Variants in MAT2A observed in about 807,000 individuals in gnomAD.
MAT2A encodes methionine adenosyltransferase 2A.
Under a neutral mutation model 43.9 loss-of-function variants are expected in MAT2A, and 3 were observed. That is an observed-to-expected ratio of 0.07 (90% CI 0.03 to 0.18). MAT2A has a LOEUF of 0.18. MAT2A is among the 10% of genes least tolerant of loss of function. The pLI, the probability that MAT2A is intolerant of heterozygous loss-of-function variation, is 1.00. For synonymous variants in MAT2A, 200 were observed against 168.4 expected (o/e 1.19, Z -1.45); for missense variants, 204 against 489.0 (o/e 0.42, Z 5.50).
At position 85,541,170 on chromosome 2, in the gene MAT2A, G is replaced by C; in HGVS notation, c.169+10G>C. 1 of 1,613,726 alleles carries C rather than the reference G, an allele frequency of 6.2e-7. No individual in the cohort carries two copies. The highest frequency in any genetic ancestry group is 8.5e-7 in the Non-Finnish European group (1 of 1,179,692). ...GCCAAAGTAGCTTGTGGTAGGTTCA[G>C]AATGTGCTTATCAACTGGTGGAAAG... On this transcript the variant is annotated intron_variant, in intron 2 of 8. Coordinates refer to ENST00000306434, the MANE Select transcript of MAT2A (RefSeq NM_005911.6).
intron 1 of MAT2A, among the ~76,000 whole-genome samples, chr2:85,540,563 C>T (rs566169229): frequency 6.6e-6 from 1 of 152,320 alleles, no homozygotes; most frequent in Admixed American, 6.5e-5. Context: ...TCCCTCCTAA[C>T]AATAGATGAC....
Position 85,539,202 on chromosome 2 carries a change from A to G in MAT2A, c.-86A>G, listed in dbSNP as rs556333738. The stretch of plus-strand genomic sequence containing the variant: ...GCGCCGCCCGCCTGCTACGAGTAGA[A>G]CGCTGTCCGCAGCTTGCGCATTTCG... On this transcript the variant is annotated 5_prime_UTR_variant, in exon 1 of 9. Transcript: ENST00000306434. 112 of 959,862 alleles carry G rather than the reference A, an allele frequency of 1.2e-4. No individual in the cohort carries two copies. The highest frequency in any genetic ancestry group is 1.5e-4 in the Non-Finnish European group (96 of 622,498). 59.5% of individuals were successfully genotyped at this position (959,862 alleles called of 1,614,324 possible).
rs1166772986 is a variant in MAT2A at position 85,544,149 on chromosome 2, C to CGT, written c.*378_*379dup. The CGT allele has an allele frequency of 1.2e-5, 2 of 163,700 alleles. No homozygotes were observed. The highest frequency in any genetic ancestry group is 6.4e-5 in the Admixed American group (1 of 15,672). 10.1% of individuals were successfully genotyped at this position (163,700 alleles called of 1,614,324 possible). A position where few individuals can be genotyped will look rare whatever the true frequency, so the allele number is the denominator to read the frequency against. The stretch of plus-strand genomic sequence containing the variant: ...GCTGAAAATGTCCTTGTGATGTGCA[C>CGT]GTAAAGTACTTGTAGTTCCACTTAT... On this transcript the variant is annotated 3_prime_UTR_variant, in exon 9 of 9. Transcript: ENST00000306434.
rs752025192 is a variant in MAT2A at position 85,541,355 on chromosome 2, T to C, written c.270T>C (p.Ile90=). The change falls in exon 3 of 9, where the codon ATT becomes ATC. Residue 90 remains isoleucine, a synonymous_variant. Transcript: ENST00000306434. The stretch of plus-strand genomic sequence containing the variant: ...TGGTTCGTGAAGCTGTTAAACACAT[T>C]GGATATGATGATTCTTCCAAAGGTG... ...QKVVREAVKH[I]GYDDSSKGFD... The C allele has an allele frequency of 1.2e-6, 2 of 1,613,396 alleles. No homozygotes were observed. The highest frequency in any genetic ancestry group is 4.5e-5 in the East Asian group (2 of 44,876).
intron 1 of MAT2A, chr2:85,539,804 C>G (rs764123025): frequency 6.3e-6 from 1 of 157,510 alleles, no homozygotes; most frequent in African/African-American, 2.4e-5. Context: ...ATTGCAGCGG[C>G]GACCACGTGT....
At chr2:85,541,032 C>G (rs1691464125) in intron 1 of MAT2A, 51 bp from the exon 2 acceptor site, 1 of 1,308,574 alleles carries the variant, frequency 7.6e-7, no homozygotes, top group Admixed American at 1.8e-5. Context: ...TACATACATA[C>G]ATACTTTGTT....
chr2:85,540,988 G>T, intron 1 of MAT2A, 95 bp from the exon 2 acceptor site: 1 of 785,470 alleles, frequency 1.3e-6, no homozygotes, highest in African/African-American at 1.7e-5. Flanking sequence ...AATCTCCAAA[G>T]ATTTTACAGA....
At chr2:85,539,536 G>A (rs1050221193) in intron 1 of MAT2A, 158 bp downstream of exon 1, 48 of 510,194 alleles carry the variant, frequency 9.4e-5, no homozygotes, top group Non-Finnish European at 1.5e-4. Flanking sequence ...GGCGCCGCCA[G>A]GGCCTGGCGC....
intron 8 of MAT2A, 177 bp downstream of exon 8, chr2:85,543,211 T>A: frequency 1.5e-6 from 1 of 672,408 alleles, no homozygotes; most frequent in Non-Finnish European, 2.4e-6. Flanking sequence ...TTGAGAAATT[T>A]AAAATTACGG....
Position 85,542,186 on chromosome 2 carries a change from C to T in MAT2A, c.581C>T (p.Ala194Val). Residue 194 changes from alanine (A) to valine (V), a missense_variant, in exon 6 of 9, where the codon GCT becomes GTT. Around this residue, in one of 6 missense-constraint regions of MAT2A, gnomAD observed 103 missense variants for 226.4 expected, o/e 0.45. Coordinates refer to ENST00000306434, the MANE Select transcript of MAT2A (RefSeq NM_005911.6). Reference sequence around the variant, plus strand: ...GTGCAGTATATGCAGGATCGAGGTGCTGTGCTTCCCATCAGAGTCCACACA... The same window carrying T: ...GTGCAGTATATGCAGGATCGAGGTGTTGTGCTTCCCATCAGAGTCCACACA... ...VTVQYMQDRG[A>V]VLPIRVHTIV... is the part of the protein sequence containing the mutation. 2 of 1,614,128 alleles carry T rather than the reference C, an allele frequency of 1.2e-6. No homozygotes were observed. Among genetic ancestry groups the T allele is most frequent in the Non-Finnish European group, 1.7e-6 (2 of 1,179,996 alleles).
rs765480131 is a variant in MAT2A, at chr2:85,542,909, T to C, written c.960T>C (p.Tyr320=). 3.0e-5 allele frequency: 48 copies of C among 1,613,120 alleles called. No homozygotes were observed. The highest frequency in any genetic ancestry group is 2.0e-4 in the South Asian group (18 of 91,008). Residue 320 remains tyrosine (Y), a synonymous_variant, in exon 8 of 9, where the codon TAT becomes TAC. Coordinates refer to ENST00000306434, the MANE Select transcript of MAT2A (RefSeq NM_005911.6). ...LCRRVLVQVS[Y]AIGVSHPLSI... ...CATTTGAATCCTTTTAGGTCTCTTA[T>C]GCTATTGGAGTTTCTCATCCATTAT...
In MAT2A at chr2:85,541,981, T is replaced by A; in HGVS notation, c.549+9T>A. On this transcript the variant is annotated intron_variant, in intron 5 of 8. Transcript: ENST00000306434. Reference sequence around the variant, plus strand: ...CTGATTCTAAAACTCAAGTAAGTGATGATCATAAAGCTTGGTTGTCTCATT... The same window carrying A: ...CTGATTCTAAAACTCAAGTAAGTGAAGATCATAAAGCTTGGTTGTCTCATT... 3.7e-6 allele frequency: 6 copies of A among 1,610,592 alleles called. No individual in the cohort carries two copies. Among genetic ancestry groups the A allele is most frequent in the Non-Finnish European group, 5.1e-6 (6 of 1,177,096 alleles).
At position 85,541,696 on chromosome 2, in the gene MAT2A, A is replaced by G; in HGVS notation, c.356A>G (p.Gln119Arg). 6.2e-7 allele frequency: 1 copy of G among 1,614,202 alleles called. No individual in the cohort carries two copies. The highest frequency in any genetic ancestry group is 8.5e-7 in the Non-Finnish European group (1 of 1,180,048). The change falls in exon 4 of 9, where the codon CAA becomes CGA. Residue 119 changes from glutamine to arginine, a missense_variant. Gln to Arg is a conservative substitution (Grantham distance 43, BLOSUM62 1). Transcript: ENST00000306434. ...GAGCAACAGTCACCAGATATTGCTC[A>G]AGGTGTTCATCTTGACAGAAATGAA... ...ALEQQSPDIA[Q>R]GVHLDRNEED... is the part of the protein sequence containing the mutation.
At chr2:85,539,610 G>T in intron 1 of MAT2A, 1 of 405,702 alleles carries the variant, frequency 2.5e-6, no homozygotes. Context: ...CTTTTCATTC[G>T]GTCGCGCGCC....
At chr2:85,543,386 A>G (rs557649953) in intron 8 of MAT2A, 9 of 425,854 alleles carry the variant, frequency 2.1e-5, no homozygotes, top group Admixed American at 2.0e-4. Context: ...GGACCTTGGT[A>G]AGTATTGTGT....
Position 85,541,742 on chromosome 2 carries a change from C to T in MAT2A, c.402C>T (p.Asp134=). ...ATGAAGAAGACATTGGTGCTGGAGA[C>T]CAGGTATCTTGGTGTAGAGGCTGTT... The part of the protein sequence containing the change: ...DRNEEDIGAG[D]QGLMFGYATD... The change falls in exon 4 of 9, where the codon GAC becomes GAT. Residue 134 remains aspartate, a synonymous_variant. Coordinates refer to ENST00000306434, the MANE Select transcript of MAT2A (RefSeq NM_005911.6). 6.2e-7 allele frequency: 1 copy of T among 1,613,924 alleles called. No homozygotes were observed. The highest frequency in any genetic ancestry group is 8.5e-7 in the Non-Finnish European group (1 of 1,179,788).
Position 85,541,317 on chromosome 2 carries a change from G to A in MAT2A, c.232G>A (p.Asp78Asn). The change falls in exon 3 of 9, where the codon GAC (aspartate) becomes AAC (asparagine). Residue 78 changes from aspartate to asparagine, a missense_variant. Asp to Asn is a conservative substitution (Grantham distance 23). Transcript: ENST00000306434. The stretch of plus-strand genomic sequence containing the variant: ...GGAAATTACATCCAGAGCTGCTGTT[G>A]ACTACCAGAAAGTGGTTCGTGAAGC... ...AGEITSRAAV[D>N]YQKVVREAVK... 1 of 1,614,082 alleles carries A rather than the reference G, an allele frequency of 6.2e-7. No homozygotes were observed. Among genetic ancestry groups the A allele is most frequent in the Non-Finnish European group, 8.5e-7 (1 of 1,179,998 alleles).
Position 85,542,672 on chromosome 2 carries a change from T to G in MAT2A, c.876T>G (p.Arg292=). Residue 292 remains arginine, a synonymous_variant, in exon 7 of 9, where the codon CGT becomes CGG. Transcript: ENST00000306434. ...GAAAGGATTATACCAAGGTCGACCG[T>G]TCAGCTGCTTATGCTGCTCGTTGGG... The part of the protein sequence containing the change: ...FSGKDYTKVD[R]SAAYAARWVA... The G allele has an allele frequency of 6.2e-7, 1 of 1,613,812 alleles. No homozygotes were observed. Among genetic ancestry groups the G allele is most frequent in the Non-Finnish European group, 8.5e-7 (1 of 1,179,702 alleles).
chr2:85,542,452 C>T, intron 6 of MAT2A, 79 bp downstream of exon 6: 1 of 1,544,198 alleles, frequency 6.5e-7, no homozygotes, highest in East Asian at 2.2e-5. Flanking sequence ...TTCAGGCTTT[C>T]TGAAACCTAC....
Sources: gnomAD v4.1 joint callset for allele counts (sites outside exome capture counted in the v4.1 genomes callset) on GRCh38, gnomAD v4.1.1 for gene constraint, gnomAD v4.1.1 regional missense constraint, MANE v1.5 for transcripts, NCBI Gene and HGNC (gene_info 2026-07-23, HGNC 2026-07-21) for gene names.